Variants in CCDC198 observed in about 807,000 individuals in gnomAD.
CCDC198 encodes the protein coiled-coil domain containing 198.
Under a neutral mutation model 35.6 loss-of-function variants are expected in CCDC198, and 18 were observed. That is an observed-to-expected ratio of 0.51 (90% CI 0.35 to 0.75). The LOEUF (loss-of-function observed/expected upper bound fraction) is 0.75, where lower values mean the gene tolerates loss of function less well. Ranked by LOEUF, CCDC198 falls within the 30% of genes least tolerant of loss-of-function variation. The pLI is 0.01. For synonymous variants in CCDC198, 119 were observed against 113.4 expected, an observed-to-expected ratio of 1.05 and a Z score of -0.31; for missense variants, 365 against 343.7, an observed-to-expected ratio of 1.06 and a Z score of -0.49.
intron 5 of CCDC198, among the ~76,000 whole-genome samples, chr14:57,477,969 ATTACAGGCATGACTGGG>A: frequency 6.6e-6 from 1 of 152,052 alleles, no homozygotes; most frequent in Admixed American, 6.6e-5. Flanking sequence ...AAGTGCTGGG[ATTACAGGCATGACTGGG>A]TGTTCTTGAG....
rs74743326 is a variant in CCDC198, at chr14:57,491,202, G to T, written c.224-131C>A. 6.3e-4 allele frequency: 524 copies of T among 837,392 alleles called. 1 individual carries two copies. In the African/African-American group the frequency reaches 7.9e-3, roughly 13 times the overall value. The allele number at this position is 837,392 out of a possible 1,614,324, so 51.9% of individuals were successfully genotyped here. On this transcript the variant is annotated intron_variant, in intron 1 of 5. Coordinates refer to ENST00000216445, the MANE Select transcript of CCDC198 (RefSeq NM_018168.4). ...TCAGTTATATATGTCTAACCTGTGG[G>T]TTGAATGTGGAGATGAAACACAGAA...
At chr14:57,486,524 C>T (rs889428492) in intron 2 of CCDC198, among the ~76,000 whole-genome samples, 1 of 151,480 alleles carries the variant, frequency 6.6e-6, no homozygotes, top group Non-Finnish European at 1.5e-5. Flanking sequence ...TGAGATTCAA[C>T]AGGTCTGGGG....
intron 5 of CCDC198, among the ~76,000 whole-genome samples, chr14:57,472,070 T>C (rs1355636253): frequency 2.6e-5 from 4 of 152,124 alleles, no homozygotes; most frequent in African/African-American, 7.2e-5. Flanking sequence ...TAATACTGTT[T>C]TCTAATATAT....
At chr14:57,472,330 C>T (rs977812349) in intron 5 of CCDC198, among the ~76,000 whole-genome samples, 8 of 152,158 alleles carry the variant, frequency 5.3e-5, no homozygotes, top group African/African-American at 1.9e-4. Flanking sequence ...CTTCCATCTT[C>T]ATTGTCTTTT....
intron 1 of CCDC198, among the ~76,000 whole-genome samples, chr14:57,492,473 C>T (rs972108536): frequency 2.0e-5 from 3 of 152,034 alleles, no homozygotes; most frequent in African/African-American, 4.8e-5. Flanking sequence ...TACACATTCA[C>T]GCTCCATTTT....
At chr14:57,472,998 G>A (rs1245561343) in intron 5 of CCDC198, among the ~76,000 whole-genome samples, 1 of 152,162 alleles carries the variant, frequency 6.6e-6, no homozygotes, top group Non-Finnish European at 1.5e-5. Flanking sequence ...GATATCTGAA[G>A]TTGTGTATTA....
chr14:57,480,459 A>G, intron 5 of CCDC198, 136 bp downstream of exon 5: 4 of 1,233,046 alleles, frequency 3.2e-6, no homozygotes, highest in Non-Finnish European at 4.5e-6. Context: ...TGCCCACTAT[A>G]TTCTGGGAAG....
At chr14:57,472,741 T>TA (rs1202764138) in intron 5 of CCDC198, among the ~76,000 whole-genome samples, 1 of 152,232 alleles carries the variant, frequency 6.6e-6, no homozygotes, top group East Asian at 1.9e-4. Context: ...GTATTTACCT[T>TA]AGTTTTTTAT....
intron 5 of CCDC198, among the ~76,000 whole-genome samples, chr14:57,479,753 A>C (rs1034812278): frequency 9.9e-5 from 15 of 152,218 alleles, no homozygotes; most frequent in African/African-American, 3.6e-4. Flanking sequence ...AACCCAGAGT[A>C]CTGGGCATAA....
In CCDC198 at chr14:57,478,988, G is replaced by A. The variant is rs748880945; in HGVS notation, c.655+1607C>T. 3.1e-6 allele frequency: 4 copies of A among 1,289,358 alleles called. 1 individual carries two copies. In the South Asian group the frequency reaches 4.9e-5, roughly 16 times the overall value. The allele number at this position is 1,289,358 out of a possible 1,614,324, so 79.9% of individuals were successfully genotyped here. A position where few individuals can be genotyped will look rare whatever the true frequency, so the allele number is the denominator to read the frequency against. ...TGGCCCACGGCACAGCGATCTGTGT[G>A]TGTGAACAATATTGGAAATTTCAAC... is the stretch of plus-strand genomic sequence containing the variant. On this transcript the variant is annotated intron_variant, in intron 5 of 5. Coordinates refer to ENST00000216445, the MANE Select transcript of CCDC198 (RefSeq NM_018168.4).
At chr14:57,477,692 C>G (rs2067049273) in intron 5 of CCDC198, among the ~76,000 whole-genome samples, 1 of 152,008 alleles carries the variant, frequency 6.6e-6, no homozygotes, top group African/African-American at 2.4e-5. Context: ...GGAGACAGGA[C>G]TGGGTGTTTC....
intron 1 of CCDC198, among the ~76,000 whole-genome samples, chr14:57,491,737 C>T (rs1050933213): frequency 4.0e-4 from 61 of 152,220 alleles, no homozygotes; most frequent in African/African-American, 1.4e-3. Flanking sequence ...ATCCTGAGCT[C>T]TTGGGAGTGC....
rs75174615 is a variant in CCDC198 at position 57,486,299 on chromosome 14, G to T, written c.307-3148C>A. Among the ~76,000 whole-genome samples the T allele has an allele frequency of 1.8e-3, 281 of 152,250 alleles. 5 individuals carry two copies. In the East Asian group the frequency reaches 0.043, roughly 23 times the overall value. On this transcript the variant is annotated intron_variant, in intron 2 of 5. Coordinates refer to ENST00000216445, the MANE Select transcript of CCDC198 (RefSeq NM_018168.4). ...CTCATTCAATCTTCATGTGAACTCC[G>T]TGGATAATTACGAAGATTCCCCATT...
chr14:57,475,496 C>T, intron 5 of CCDC198: 2 of 1,148,624 alleles, frequency 1.7e-6, no homozygotes, highest in Non-Finnish European at 2.2e-6. Context: ...ATCATGAGGT[C>T]AGGAGTTCGA....
intron 2 of CCDC198, among the ~76,000 whole-genome samples, chr14:57,486,849 G>A (rs1288884806): frequency 6.6e-6 from 1 of 151,946 alleles, no homozygotes; most frequent in Admixed American, 6.6e-5. Flanking sequence ...TTCTAATAAG[G>A]GTTCAGTGGT....
chr14:57,490,428 A>G (rs112160257), intron 2 of CCDC198, among the ~76,000 whole-genome samples: 2 of 152,310 alleles, frequency 1.3e-5, no homozygotes, highest in African/African-American at 4.8e-5. Context: ...GAACAATAAA[A>G]GGTTAAAGAT....
chr14:57,484,498 A>G (rs1455445795), intron 2 of CCDC198, among the ~76,000 whole-genome samples: 1 of 152,192 alleles, frequency 6.6e-6, no homozygotes, highest in Non-Finnish European at 1.5e-5. Context: ...TCTTCTAGCA[A>G]ACTAAGGCAG....
intron 5 of CCDC198, among the ~76,000 whole-genome samples, chr14:57,473,225 ATTG>A (rs963454576): frequency 9.9e-5 from 15 of 152,260 alleles, no homozygotes; most frequent in Admixed American, 6.5e-5. Context: ...TATTATAATG[ATTG>A]TTGTTGCCTA....
intron 5 of CCDC198, chr14:57,475,674 T>C: frequency 5.0e-6 from 2 of 396,200 alleles, no homozygotes; most frequent in South Asian, 1.8e-5. Flanking sequence ...GCCATTGCAC[T>C]CCAGCCTGGG....
Sources: gnomAD v4.1 joint callset for allele counts (sites outside exome capture counted in the v4.1 genomes callset) on GRCh38, gnomAD v4.1.1 for gene constraint, MANE v1.5 for transcripts, NCBI Gene and HGNC (gene_info 2026-07-23, HGNC 2026-07-21) for gene names.